The following MAGI1 variants were observed in gnomAD, a reference collection of about 807,000 sequenced individuals.
MAGI1 encodes membrane associated guanylate kinase, WW and PDZ domain containing 1, also known as membrane-associated guanylate kinase, WW and PDZ domain-containing protein 1.
MAGI1 carries 58 observed loss-of-function variants against 139.9 expected under a neutral mutation model. The ratio of observed to expected loss-of-function variants is 0.41; its 90% CI spans 0.34 to 0.52. The LOEUF is 0.52. MAGI1 is among the 20% of genes least tolerant of loss of function. MAGI1 has a pLI of 0.12. For synonymous variants in MAGI1, 812 were observed against 737.9 expected (o/e 1.10, Z -1.63); for missense variants, 1,874 against 1,901.6 (o/e 0.99, Z 0.27).
intron 1 of MAGI1, among the ~76,000 whole-genome samples, chr3:65,849,155 C>G (rs895455004): frequency 4.6e-5 from 7 of 151,432 alleles, no homozygotes; most frequent in African/African-American, 1.7e-4. Flanking sequence ...TCCCGAGTAG[C>G]TGGGATTACA....
At chr3:65,532,628 T>C (rs557738033) in intron 2 of MAGI1, 1 of 152,278 alleles carries the variant, frequency 6.6e-6, no homozygotes, top group East Asian at 1.9e-4. Context: ...TTGGAGCGTG[T>C]GTTTGGAAAA....
At chr3:65,959,984 T>A (rs2064345188) in intron 1 of MAGI1, among the ~76,000 whole-genome samples, 1 of 151,208 alleles carries the variant, frequency 6.6e-6, no homozygotes, top group Non-Finnish European at 1.5e-5. Flanking sequence ...TTTTTTGTAT[T>A]TTTTAGTAGA....
intron 2 of MAGI1, among the ~76,000 whole-genome samples, chr3:65,525,102 C>T (rs1244711482): frequency 6.6e-6 from 1 of 152,110 alleles, no homozygotes; most frequent in African/African-American, 2.4e-5. Context: ...GGAATTGCAT[C>T]CCTAGACTCA....
At chr3:66,017,960 T>C (rs2067742603) in intron 1 of MAGI1, among the ~76,000 whole-genome samples, 1 of 152,194 alleles carries the variant, frequency 6.6e-6, no homozygotes, top group Non-Finnish European at 1.5e-5. Context: ...ACATCTTTAC[T>C]CTTCTTTGGG....
chr3:65,545,959 T>C (rs1465496123), intron 2 of MAGI1, among the ~76,000 whole-genome samples: 1 of 151,026 alleles, frequency 6.6e-6, no homozygotes, highest in East Asian at 1.9e-4. Flanking sequence ...TACATGGGCA[T>C]AATGGGGTAT....
intron 4 of MAGI1, among the ~76,000 whole-genome samples, chr3:65,473,139 C>G (rs1044534717): frequency 1.1e-4 from 17 of 152,028 alleles, no homozygotes; most frequent in Non-Finnish European, 1.9e-4. Flanking sequence ...TAGGTAGTTG[C>G]CAGCAGCAAA....
At chr3:65,626,903 TCTA>T (rs1011994432) in intron 1 of MAGI1, among the ~76,000 whole-genome samples, 18 of 152,346 alleles carry the variant, frequency 1.2e-4, no homozygotes, top group Admixed American at 3.3e-4. Context: ...CTATAAATTG[TCTA>T]CTAATTGTCA....
At chr3:65,842,480 C>A (rs574700566) in intron 1 of MAGI1, among the ~76,000 whole-genome samples, 3 of 152,044 alleles carry the variant, frequency 2.0e-5, no homozygotes, top group Non-Finnish European at 4.4e-5. Context: ...GCTGCCTCAG[C>A]CTTCCCGAGT....
intron 1 of MAGI1, among the ~76,000 whole-genome samples, chr3:65,700,072 T>C (rs915118725): frequency 1.1e-4 from 16 of 152,096 alleles, no homozygotes; most frequent in African/African-American, 3.9e-4. Flanking sequence ...GATTTTTAAC[T>C]ACATACAATT....
chr3:65,804,572 T>C (rs1035823824), intron 1 of MAGI1, among the ~76,000 whole-genome samples: 5 of 149,672 alleles, frequency 3.3e-5, no homozygotes, highest in Non-Finnish European at 7.4e-5. Context: ...CCTCTTTACA[T>C]ATTTTAAATT....
At chr3:66,013,940 A>G (rs1412019000) in intron 1 of MAGI1, among the ~76,000 whole-genome samples, 1 of 152,192 alleles carries the variant, frequency 6.6e-6, no homozygotes, top group Non-Finnish European at 1.5e-5. Flanking sequence ...AAAAAAGGTA[A>G]CTTCTCCCCT....
intron 1 of MAGI1, among the ~76,000 whole-genome samples, chr3:65,884,780 G>C (rs141309429): frequency 1.4e-3 from 207 of 152,142 alleles, no homozygotes; most frequent in African/African-American, 4.8e-3. Context: ...AGTGTCTGCT[G>C]TTCAACGTTA....
intron 2 of MAGI1, chr3:65,549,590 G>T: frequency 2.0e-6 from 1 of 507,826 alleles, no homozygotes; most frequent in Non-Finnish European, 2.5e-6. Flanking sequence ...CGGCAGCGGC[G>T]TCAATGCGCG....
At chr3:65,776,458 A>G (rs2107976486) in intron 1 of MAGI1, among the ~76,000 whole-genome samples, 1 of 152,300 alleles carries the variant, frequency 6.6e-6, no homozygotes, top group South Asian at 2.1e-4. Flanking sequence ...TTAAACACAT[A>G]ATAAAAAGAG....
chr3:65,715,107 AT>A (rs1243606950), intron 1 of MAGI1, among the ~76,000 whole-genome samples: 6 of 152,078 alleles, frequency 3.9e-5, no homozygotes, highest in Non-Finnish European at 7.4e-5. Flanking sequence ...TAGTATACAG[AT>A]TTGCTTTCAA....
At chr3:65,869,043 G>A (rs1048053562) in intron 1 of MAGI1, among the ~76,000 whole-genome samples, 8 of 151,848 alleles carry the variant, frequency 5.3e-5, no homozygotes, top group Admixed American at 1.3e-4. Context: ...CGAGGCGGGC[G>A]GATCACGAGG....
intron 2 of MAGI1, among the ~76,000 whole-genome samples, chr3:65,495,311 T>A (rs1952345081): frequency 6.6e-6 from 1 of 152,212 alleles, no homozygotes; most frequent in Non-Finnish European, 1.5e-5. Flanking sequence ...AATGAGATAA[T>A]CCTTTTTGAG....
At chr3:65,436,341 T>C (rs1416417963) in intron 10 of MAGI1, among the ~76,000 whole-genome samples, 1 of 152,160 alleles carries the variant, frequency 6.6e-6, no homozygotes, top group Non-Finnish European at 1.5e-5. Flanking sequence ...TCAAACATGA[T>C]GCTTGTTTAA....
chr3:65,569,613 G>C (rs1033164862), intron 2 of MAGI1, among the ~76,000 whole-genome samples: 3 of 152,060 alleles, frequency 2.0e-5, no homozygotes, highest in Non-Finnish European at 4.4e-5. Context: ...ACGGTGGCTT[G>C]TGCATGTAAT....
Sources: gnomAD v4.1 joint callset for allele counts (sites outside exome capture counted in the v4.1 genomes callset) on GRCh38, gnomAD v4.1.1 for gene constraint, MANE v1.5 for transcripts, NCBI Gene and HGNC (gene_info 2026-07-23, HGNC 2026-07-21) for gene names.